The following HS3ST4 variants were observed in gnomAD, a reference collection of about 807,000 sequenced individuals.
HS3ST4 encodes heparan sulfate glucosamine 3-O-sulfotransferase 4.
Under a neutral mutation model 29.2 loss-of-function variants are expected in HS3ST4, and 17 were observed. The observed-to-expected ratio is 0.58, with a 90% confidence interval of 0.40 to 0.87. The LOEUF is 0.87. HS3ST4 is among the 40% of genes least tolerant of loss of function. The probability of loss-of-function intolerance (pLI) is 0.00; values close to 1 mark genes in which losing one functional copy is unlikely to be tolerated. For synonymous variants in HS3ST4, 314 were observed against 285.7 expected (o/e 1.10, Z -1.00); for missense variants, 627 against 634.5 (o/e 0.99, Z 0.13).
At chr16:26,021,283 A>G (rs892644163) in intron 1 of HS3ST4, among the ~76,000 whole-genome samples, 1 of 152,162 alleles carries the variant, frequency 6.6e-6, no homozygotes, top group Admixed American at 6.5e-5. Context: ...TCTTCCTTCG[A>G]AAAGTTAAAA....
At chr16:25,774,520 C>T (rs556911916) in intron 1 of HS3ST4, among the ~76,000 whole-genome samples, 3 of 152,302 alleles carry the variant, frequency 2.0e-5, no homozygotes, top group African/African-American at 7.2e-5. Context: ...ACCCTAAGGC[C>T]AGACTGCCTG....
At chr16:25,751,292 T>C (rs756397027) in intron 1 of HS3ST4, among the ~76,000 whole-genome samples, 5 of 152,110 alleles carry the variant, frequency 3.3e-5, no homozygotes, top group East Asian at 1.9e-4. Context: ...TGTGTGCTCA[T>C]GTGTGTGTGT....
chr16:25,899,942 T>C (rs949783865), intron 1 of HS3ST4, among the ~76,000 whole-genome samples: 2 of 152,148 alleles, frequency 1.3e-5, no homozygotes, highest in African/African-American at 4.8e-5. Context: ...ACACATCCCA[T>C]TAGGAAATCA....
chr16:26,134,391 C>T (rs1345115930), intron 1 of HS3ST4, among the ~76,000 whole-genome samples: 2 of 121,992 alleles, frequency 1.6e-5, no homozygotes, highest in Non-Finnish European at 1.6e-5. Context: ...GAGATGGAGT[C>T]TCACTCTGTC....
At chr16:25,989,520 T>C (rs1969096387) in intron 1 of HS3ST4, among the ~76,000 whole-genome samples, 1 of 152,228 alleles carries the variant, frequency 6.6e-6, no homozygotes, top group African/African-American at 2.4e-5. Context: ...TCCTCAGCTA[T>C]ATAAATTAGT....
At chr16:25,694,281 T>C (rs914398310) in intron 1 of HS3ST4, among the ~76,000 whole-genome samples, 5 of 152,248 alleles carry the variant, frequency 3.3e-5, no homozygotes, top group African/African-American at 1.2e-4. Flanking sequence ...TTTCTAGGTT[T>C]AAATTACAGC....
chr16:25,912,086 A>G (rs916259635), intron 1 of HS3ST4, among the ~76,000 whole-genome samples: 9 of 152,304 alleles, frequency 5.9e-5, no homozygotes, highest in African/African-American at 2.2e-4. Flanking sequence ...AAAAGATAGC[A>G]GTAGTTGAAG....
At chr16:25,731,576 A>G (rs73524783) in intron 1 of HS3ST4, among the ~76,000 whole-genome samples, 12,536 of 152,192 alleles carry the variant, frequency 0.082, 767 homozygotes, top group African/African-American at 0.16. Context: ...CCTGGACTCA[A>G]GTGATCTTCC....
intron 1 of HS3ST4, among the ~76,000 whole-genome samples, chr16:25,739,960 A>T (rs1346545515): frequency 6.6e-6 from 1 of 152,234 alleles, no homozygotes; most frequent in East Asian, 1.9e-4. Context: ...CCCAGTGCTC[A>T]GTGTTCCTTC....
Position 26,005,933 on chromosome 16 carries a change from A to G in HS3ST4, c.735-129679A>G, listed in dbSNP as rs74524047. Among the ~76,000 whole-genome samples, 24 of 152,260 alleles carry G rather than the reference A, an allele frequency of 1.6e-4. No individual in the cohort carries two copies. In the East Asian group the frequency reaches 4.2e-3, roughly 27 times the overall value. Reference sequence around the variant, plus strand: ...CCCCTGCTCCCAATTGTGACAAACAAGCAAGTTTCCAAACATCCCCAAATG... The same window carrying G: ...CCCCTGCTCCCAATTGTGACAAACAGGCAAGTTTCCAAACATCCCCAAATG... On this transcript the variant is annotated intron_variant, in intron 1 of 1. Coordinates refer to ENST00000331351, the MANE Select transcript of HS3ST4 (RefSeq NM_006040.3).
chr16:25,996,060 C>T (rs565103391), intron 1 of HS3ST4, among the ~76,000 whole-genome samples: 73 of 147,826 alleles, frequency 4.9e-4, no homozygotes, highest in Middle Eastern at 3.6e-3. Context: ...ATAATCAGTA[C>T]AAATAATAAT....
At chr16:25,814,813 A>AT (rs1457366851) in intron 1 of HS3ST4, among the ~76,000 whole-genome samples, 1 of 152,206 alleles carries the variant, frequency 6.6e-6, no homozygotes, top group African/African-American at 2.4e-5. Flanking sequence ...AAATGAATGC[A>AT]TTTGCAATGA....
At chr16:26,028,650 T>C (rs1969501483) in intron 1 of HS3ST4, among the ~76,000 whole-genome samples, 1 of 152,176 alleles carries the variant, frequency 6.6e-6, no homozygotes, top group African/African-American at 2.4e-5. Context: ...GAGGGTGACG[T>C]GGCAGCAACA....
Position 26,030,896 on chromosome 16 carries a change from T to A in HS3ST4, c.735-104716T>A, listed in dbSNP as rs184991303. Among the ~76,000 whole-genome samples, 77 of 152,302 alleles carry A rather than the reference T, an allele frequency of 5.1e-4. No homozygotes were observed. In the East Asian group the frequency reaches 0.014, roughly 28 times the overall value. On this transcript the variant is annotated intron_variant, in intron 1 of 1. Transcript: ENST00000331351. ...AGTGCCTGTTTAAAGAGGTGCTTTC[T>A]CCACCAAAGAACATGAACTCCATAA...
At chr16:25,924,758 GC>G (rs1968386489) in intron 1 of HS3ST4, among the ~76,000 whole-genome samples, 1 of 152,092 alleles carries the variant, frequency 6.6e-6, no homozygotes, top group African/African-American at 2.4e-5. Flanking sequence ...AAGTGCACTT[GC>G]TTCTGGAAAC....
At chr16:26,039,017 T>C (rs1319544281) in intron 1 of HS3ST4, among the ~76,000 whole-genome samples, 2 of 152,160 alleles carry the variant, frequency 1.3e-5, no homozygotes, top group Non-Finnish European at 1.5e-5. Flanking sequence ...CAGTGTTGCC[T>C]GATCTCGGTG....
intron 1 of HS3ST4, among the ~76,000 whole-genome samples, chr16:25,947,329 C>T (rs898442992): frequency 6.6e-6 from 1 of 152,132 alleles, no homozygotes; most frequent in Non-Finnish European, 1.5e-5. Context: ...GCAAGTCTAA[C>T]AACTTGTTGT....
At chr16:25,817,752 CTG>C (rs1176407418) in intron 1 of HS3ST4, among the ~76,000 whole-genome samples, 1 of 152,198 alleles carries the variant, frequency 6.6e-6, no homozygotes, top group Admixed American at 6.5e-5. Context: ...AGGTAAATAA[CTG>C]TATTTATACA....
At chr16:25,978,130 T>C (rs1411645749) in intron 1 of HS3ST4, among the ~76,000 whole-genome samples, 1 of 152,242 alleles carries the variant, frequency 6.6e-6, no homozygotes, top group Non-Finnish European at 1.5e-5. Context: ...AAATGGGTAC[T>C]AAGCCTGGTA....
Sources: gnomAD v4.1 joint callset for allele counts (sites outside exome capture counted in the v4.1 genomes callset) on GRCh38, gnomAD v4.1.1 for gene constraint, MANE v1.5 for transcripts, NCBI Gene and HGNC (gene_info 2026-07-23, HGNC 2026-07-21) for gene names.